Variants in ALG12 observed in about 807,000 individuals in gnomAD.
ALG12 encodes the protein dol-P-Man:Man(7)GlcNAc(2)-PP-Dol alpha-1,6-mannosyltransferase.
In ALG12, 36 loss-of-function variants were observed where a neutral mutation model predicts 46.0. That is an observed-to-expected ratio of 0.78 (90% CI 0.60 to 1.03). The LOEUF is 1.03. Among genes scored for constraint, ALG12 ranks in the 50% least tolerant of loss-of-function variants. ALG12 has a pLI of 0.00. For synonymous variants in ALG12, 326 were observed against 291.6 expected, an observed-to-expected ratio of 1.12 and a Z score of -1.20; for missense variants, 599 against 633.5, an observed-to-expected ratio of 0.95 and a Z score of 0.58.
At chr22:49,874,174 T>C in the ALG12 span, among the ~76,000 whole-genome samples, 97,826 of 152,078 alleles carry the variant, frequency 0.64, 35,663 homozygotes, top group East Asian at 0.85. Flanking sequence ...CTGTATAGAA[T>C]ATGCCGAGGG....
At chr22:49,884,788 C>T in the ALG12 span, 2 of 1,608,700 alleles carry the variant, frequency 1.2e-6, no homozygotes, top group South Asian at 1.1e-5. Context: ...GTCCTCGTCT[C>T]CAGTAAAGCC....
chr22:49,873,693 G>T, the ALG12 span, among the ~76,000 whole-genome samples: 1 of 151,960 alleles, frequency 6.6e-6, no homozygotes, highest in Non-Finnish European at 1.5e-5. Context: ...GTGATATGAG[G>T]TGATATGAGG....
At chr22:49,912,220 G>GGGC (rs2060582656) in intron 3 of ALG12, among the ~76,000 whole-genome samples, 1 of 152,160 alleles carries the variant, frequency 6.6e-6, no homozygotes, top group African/African-American at 2.4e-5. Flanking sequence ...GCAGGGGCTG[G>GGGC]GGGGGGCACT....
intron 4 of ALG12, 147 bp from the exon 5 acceptor site, chr22:49,910,235 C>T: frequency 8.4e-7 from 1 of 1,194,422 alleles, no homozygotes; most frequent in Non-Finnish European, 1.2e-6. Context: ...CCGCTCCCCG[C>T]ACCTATGCTG....
At chr22:49,904,582 G>T in intron 7 of ALG12, 76 bp from the exon 8 acceptor site, 1 of 1,521,932 alleles carries the variant, frequency 6.6e-7, no homozygotes, top group Non-Finnish European at 9.0e-7. Context: ...AACATACTAG[G>T]AGCATAACCT....
chr22:49,909,806 G>A lies in ALG12; in HGVS notation c.664+88C>T, dbSNP rs564305101. On this transcript the variant is annotated intron_variant, in intron 5 of 9. Coordinates refer to ENST00000330817, the MANE Select transcript of ALG12 (RefSeq NM_024105.4). ...AATTTAGGGTCATTTTATTTCATGG[G>A]GATGAAAACCTCCCAAATTTCTCTT... 5.5e-5 allele frequency: 85 copies of A among 1,533,188 alleles called. No homozygotes were observed. In the African/African-American group the frequency reaches 1.1e-3, roughly 20 times the overall value. The allele number at this position is 1,533,188 out of a possible 1,614,324, so 95.0% of individuals were successfully genotyped here.
At chr22:49,887,283 C>A in the ALG12 span, 2 of 1,202,526 alleles carry the variant, frequency 1.7e-6, no homozygotes, top group Non-Finnish European at 2.3e-6. Flanking sequence ...GACATCAGAC[C>A]AGGCACTCTC....
the ALG12 span, among the ~76,000 whole-genome samples, chr22:49,891,558 T>A: frequency 1.3e-5 from 2 of 152,208 alleles, no homozygotes; most frequent in African/African-American, 4.8e-5. Flanking sequence ...ACTGCTGACT[T>A]CTTTAGGGCA....
In ALG12 at chr22:49,910,589, A is replaced by T; in HGVS notation, c.314T>A (p.Leu105His). The T allele has an allele frequency of 6.2e-7, 1 of 1,614,116 alleles. No individual in the cohort carries two copies. The highest frequency in any genetic ancestry group is 8.5e-7 in the Non-Finnish European group (1 of 1,180,036). The change falls in exon 4 of 10, where the codon CTC (leucine) becomes CAC (histidine). Residue 105 changes from leucine to histidine, a missense_variant. By Grantham distance (99) the Leu-to-His change is moderately conservative (BLOSUM62 -3). Transcript: ENST00000330817. ...CGTCCAGAGTCCAAAAATCACGCCGAGTCCAAGCACTCCTCTAACTAAACA... is the reference window on the plus strand; with the variant it reads ...CGTCCAGAGTCCAAAAATCACGCCGTGTCCAAGCACTCCTCTAACTAAACA... ...SQLIVRGVLG[L>H]GVIFGLWTLQ...
the ALG12 span, among the ~76,000 whole-genome samples, chr22:49,891,935 C>T: frequency 6.6e-6 from 1 of 152,106 alleles, no homozygotes; most frequent in Non-Finnish European, 1.5e-5. Context: ...CAGACCAAAC[C>T]TTTCCCAAGA....
the ALG12 span, chr22:49,887,338 C>T: frequency 1.5e-6 from 1 of 673,162 alleles, no homozygotes; most frequent in East Asian, 2.8e-5. Context: ...GTGCCTTACC[C>T]CTTCTCCTTC....
rs1465017633 is a variant in ALG12 at position 49,905,633 on chromosome 22, G to C, written c.993-1127C>G. Among the ~76,000 whole-genome samples, 1 of 152,276 alleles carries C rather than the reference G, an allele frequency of 6.6e-6. No individual in the cohort carries two copies. The highest frequency in any genetic ancestry group is 1.5e-5 in the Non-Finnish European group (1 of 68,020). ...CGTGCCCGCTTCCCTCTCGCCTTCC[G>C]CCATAATGGAAAGTTTTCCCAGGCC... On this transcript the variant is annotated intron_variant, in intron 7 of 9. Coordinates refer to ENST00000330817, the MANE Select transcript of ALG12 (RefSeq NM_024105.4). The surrounding 1 kb of genome is among the most constrained non-coding windows in gnomAD (Gnocchi z 4.9).
At chr22:49,867,987 G>A in the ALG12 span, among the ~76,000 whole-genome samples, 10 of 152,170 alleles carry the variant, frequency 6.6e-5, no homozygotes, top group East Asian at 1.2e-3. Flanking sequence ...TGTTAGCCTA[G>A]GAAAAGATCA....
chr22:49,887,154 T>A, the ALG12 span: 2 of 1,612,458 alleles, frequency 1.2e-6, no homozygotes, highest in East Asian at 4.5e-5. Context: ...AAGTGAATCT[T>A]CCCTTAATAT....
At chr22:49,861,426 G>A in the ALG12 span, among the ~76,000 whole-genome samples, 1 of 152,070 alleles carries the variant, frequency 6.6e-6, no homozygotes, top group African/African-American at 2.4e-5. Flanking sequence ...ACAGATGTGA[G>A]CCACCACACC....
At chr22:49,864,281 A>T in the ALG12 span, among the ~76,000 whole-genome samples, 6 of 152,244 alleles carry the variant, frequency 3.9e-5, no homozygotes, top group Non-Finnish European at 8.8e-5. Flanking sequence ...AATATCGCAT[A>T]ATGTCTCATC....
At chr22:49,894,138 C>G in the ALG12 span, among the ~76,000 whole-genome samples, 1 of 152,156 alleles carries the variant, frequency 6.6e-6, no homozygotes, top group Non-Finnish European at 1.5e-5. Context: ...GCATTCTAGC[C>G]TGGGCGACAG....
chr22:49,904,584 G>T, intron 7 of ALG12, 78 bp from the exon 8 acceptor site: 1 of 1,506,120 alleles, frequency 6.6e-7, no homozygotes, highest in Non-Finnish European at 9.1e-7. Flanking sequence ...CATACTAGGA[G>T]CATAACCTGC....
chr22:49,910,687 A>C, intron 3 of ALG12, 80 bp from the exon 4 acceptor site: 2 of 1,518,734 alleles, frequency 1.3e-6, no homozygotes, highest in East Asian at 4.5e-5. Flanking sequence ...CCTTCTACAC[A>C]GATCTTTCTA....
Sources: gnomAD v4.1 joint callset for allele counts (sites outside exome capture counted in the v4.1 genomes callset) on GRCh38, gnomAD v4.1.1 for gene constraint, Gnocchi (gnomAD v3.1) non-coding constraint, MANE v1.5 for transcripts, NCBI Gene and HGNC (gene_info 2026-07-23, HGNC 2026-07-21) for gene names.